SLC35F3: variants seen among roughly 807,000 people sequenced by gnomAD.
SLC35F3 encodes putative thiamine transporter SLC35F3.
Under a neutral mutation model 49.9 loss-of-function variants are expected in SLC35F3, and 25 were observed. The observed-to-expected ratio is 0.50, with a 90% confidence interval of 0.37 to 0.70. SLC35F3 has a LOEUF of 0.70. Among genes scored for constraint, SLC35F3 ranks in the 30% least tolerant of loss-of-function variants. The pLI, the probability that SLC35F3 is intolerant of heterozygous loss-of-function variation, is 0.00. For synonymous variants in SLC35F3, 275 were observed against 265.4 expected (o/e 1.04, Z -0.35); for missense variants, 525 against 639.8 (o/e 0.82, Z 1.94).
chr1:233,966,272 G>A (rs767615457), intron 2 of SLC35F3, among the ~76,000 whole-genome samples: 9 of 152,174 alleles, frequency 5.9e-5, no homozygotes, highest in Non-Finnish European at 1.0e-4. Context: ...AAGAGGTGAC[G>A]GGTCTGGGCT....
At chr1:234,302,378 T>G (rs1668706464) in intron 3 of SLC35F3, among the ~76,000 whole-genome samples, 1 of 151,998 alleles carries the variant, frequency 6.6e-6, no homozygotes, top group African/African-American at 2.4e-5. Context: ...ATTGGCAATG[T>G]GAAGGTCATT....
intron 3 of SLC35F3, among the ~76,000 whole-genome samples, chr1:234,259,267 C>A (rs758714033): frequency 6.6e-6 from 1 of 152,194 alleles, no homozygotes; most frequent in African/African-American, 2.4e-5. Flanking sequence ...TCTACTTCTT[C>A]CTCCAGTATA....
chr1:234,190,158 C>A (rs560972935), intron 2 of SLC35F3, among the ~76,000 whole-genome samples: 2 of 152,024 alleles, frequency 1.3e-5, no homozygotes, highest in Non-Finnish European at 1.5e-5. Context: ...AAAACACACA[C>A]AAAAAAACCG....
intron 2 of SLC35F3, among the ~76,000 whole-genome samples, chr1:233,927,290 T>A (rs1173252097): frequency 1.3e-5 from 2 of 152,200 alleles, no homozygotes; most frequent in African/African-American, 4.8e-5. Flanking sequence ...ATTGCTGGAT[T>A]GATCTCTGTA....
At position 234,068,727 on chromosome 1, in the gene SLC35F3, C is replaced by A. The variant is rs1409167246; in HGVS notation, c.284-162690C>A. ...GAGGCAAGAGTGCAGACCACGTAGGCCTTGCAGACCGCTGTAAATGCTTGG... is the reference window on the plus strand; with the variant it reads ...GAGGCAAGAGTGCAGACCACGTAGGACTTGCAGACCGCTGTAAATGCTTGG... On this transcript the variant is annotated intron_variant, in intron 2 of 7. Coordinates refer to ENST00000366618, the MANE Select transcript of SLC35F3 (RefSeq NM_173508.4). Among the ~76,000 whole-genome samples the A allele has an allele frequency of 2.7e-5, 4 of 148,392 alleles. No individual in the cohort carries two copies. The Admixed American group carries it at 2.8e-4, about 10-fold the overall frequency.
chr1:234,233,260 A>G (rs1355987077), intron 3 of SLC35F3, among the ~76,000 whole-genome samples: 1 of 152,258 alleles, frequency 6.6e-6, no homozygotes, highest in East Asian at 1.9e-4. Context: ...CCCTAAGTGT[A>G]TTTAATTTGT....
intron 3 of SLC35F3, among the ~76,000 whole-genome samples, chr1:234,250,420 C>A (rs562879654): frequency 6.6e-6 from 1 of 152,084 alleles, no homozygotes; most frequent in East Asian, 1.9e-4. Context: ...TTTGGGAGGC[C>A]GAGGCGGGCG....
At chr1:234,268,211 G>C (rs375362733) in intron 3 of SLC35F3, among the ~76,000 whole-genome samples, 1 of 152,176 alleles carries the variant, frequency 6.6e-6, no homozygotes, top group African/African-American at 2.4e-5. Flanking sequence ...CCGGCACCTC[G>C]GGAGGCCGAG....
chr1:233,936,525 C>T (rs1256309051), intron 2 of SLC35F3, among the ~76,000 whole-genome samples: 2 of 146,964 alleles, frequency 1.4e-5, no homozygotes, highest in Non-Finnish European at 3.1e-5. Flanking sequence ...TTCTCCTCCT[C>T]CTCCTCCTTC....
In SLC35F3 at chr1:234,214,560, T is replaced by A. The variant is rs1356693971; in HGVS notation, c.284-16857T>A. The A allele has an allele frequency of 2.6e-6, 4 of 1,556,498 alleles. No individual in the cohort carries two copies. The highest frequency in any genetic ancestry group is 3.5e-6 in the Non-Finnish European group (4 of 1,153,600). On this transcript the variant is annotated intron_variant, in intron 2 of 7. Coordinates refer to ENST00000366618, the MANE Select transcript of SLC35F3 (RefSeq NM_173508.4). This position sits in a 1 kb window ranked among gnomAD's most constrained non-coding sequence, Gnocchi z 8.0. ...GCCTGCAACAGTCCGGTCCTGACCC[T>A]TACCAAAGTGGAAGGTAATGCGCGG...
chr1:234,158,230 C>T (rs1279207526), intron 2 of SLC35F3, among the ~76,000 whole-genome samples: 2 of 152,144 alleles, frequency 1.3e-5, no homozygotes, highest in Admixed American at 1.3e-4. Flanking sequence ...TCTAACTAAT[C>T]TGCATAATTA....
At chr1:234,054,638 G>C (rs1393408450) in intron 2 of SLC35F3, among the ~76,000 whole-genome samples, 2 of 152,138 alleles carry the variant, frequency 1.3e-5, no homozygotes, top group Non-Finnish European at 2.9e-5. Context: ...GCCTTCTTCT[G>C]TCAACTCATC....
At chr1:234,316,868 T>A (rs1558108758) in intron 5 of SLC35F3, 141 bp downstream of exon 5, 1 of 1,112,464 alleles carries the variant, frequency 9.0e-7, no homozygotes, top group East Asian at 2.6e-5. Context: ...ATAGCTGGAG[T>A]CAACTGTGCA....
intron 3 of SLC35F3, among the ~76,000 whole-genome samples, chr1:234,239,143 C>A (rs1242496197): frequency 3.9e-5 from 6 of 152,140 alleles, no homozygotes; most frequent in Non-Finnish European, 7.4e-5. Flanking sequence ...GCCATGGTCC[C>A]TGTGAATATT....
At chr1:234,273,396 C>G (rs1282638416) in intron 3 of SLC35F3, among the ~76,000 whole-genome samples, 1 of 152,152 alleles carries the variant, frequency 6.6e-6, no homozygotes, top group East Asian at 1.9e-4. Flanking sequence ...CCCAGGCAAC[C>G]CCCCTCCCAC....
chr1:234,232,661 C>A (rs546452006), intron 3 of SLC35F3, among the ~76,000 whole-genome samples: 27 of 152,208 alleles, frequency 1.8e-4, no homozygotes, highest in African/African-American at 5.5e-4. Flanking sequence ...ATTCCTTCAC[C>A]ACTGCCTTCT....
intron 2 of SLC35F3, among the ~76,000 whole-genome samples, chr1:234,128,929 G>T (rs1050608227): frequency 6.6e-6 from 1 of 152,186 alleles, no homozygotes; most frequent in African/African-American, 2.4e-5. Flanking sequence ...AATCAAAGTT[G>T]CTCTTGAAAA....
At position 234,231,450 on chromosome 1, in the gene SLC35F3, CGGAGGCCCAGGCACCGGCCGGGGT is replaced by C; in HGVS notation, c.325_348del (p.Gln109_Ala116del). The stretch of plus-strand genomic sequence containing the variant: ...CGCCCCCGGGACTCCCCGGGCCCGG[CGGAGGCCCAGGCACCGGCCGGGGT>C]GGAGGCCGGCGGGAGAGCGAGTCGC... On this transcript the variant is annotated inframe_deletion, in exon 3 of 8. Coordinates refer to ENST00000366618, the MANE Select transcript of SLC35F3 (RefSeq NM_173508.4). This position sits in a 1 kb window ranked among gnomAD's most constrained non-coding sequence, Gnocchi z 5.4. 1.9e-6 allele frequency: 3 copies of C among 1,605,788 alleles called. No individual in the cohort carries two copies. Among genetic ancestry groups the C allele is most frequent in the Non-Finnish European group, 2.6e-6 (3 of 1,175,948 alleles).
At chr1:234,165,212 A>G (rs1458633647) in intron 2 of SLC35F3, among the ~76,000 whole-genome samples, 3 of 152,184 alleles carry the variant, frequency 2.0e-5, no homozygotes, top group African/African-American at 7.2e-5. Context: ...ACTTTGTAGC[A>G]TAGATTAAAG....
Sources: allele counts gnomAD v4.1 joint callset (sites outside exome capture counted in the v4.1 genomes callset), GRCh38; gene constraint gnomAD v4.1.1; non-coding constraint Gnocchi (gnomAD v3.1); transcripts MANE v1.5; gene names NCBI Gene and HGNC (gene_info 2026-07-23, HGNC 2026-07-21).